Variants in NBAS observed in about 807,000 individuals in gnomAD.
NBAS encodes NBAS subunit of NRZ tethering complex, also known as NAG/BC035112 fusion.
NBAS carries 219 observed loss-of-function variants against 302.5 expected under a neutral mutation model. The ratio of observed to expected loss-of-function variants is 0.72; its 90% CI spans 0.65 to 0.81. NBAS has a LOEUF of 0.81. NBAS is among the 30% of genes least tolerant of loss of function. The pLI is 0.00. For missense variants in NBAS, 2,932 were observed against 2,841.6 expected, an observed-to-expected ratio of 1.03 and a Z score of -0.72; for synonymous variants, 1,118 against 1,021.6, an observed-to-expected ratio of 1.09 and a Z score of -1.80.
intron 6 of NBAS, among the ~76,000 whole-genome samples, chr2:15,546,836 A>G (rs1314678467): frequency 6.6e-6 from 1 of 152,226 alleles, no homozygotes; most frequent in Non-Finnish European, 1.5e-5. Context: ...TCTAACAGTA[A>G]ACTGATGAGG....
rs151221272 is a variant in NBAS at position 15,180,229 on chromosome 2, A to T, written c.6712-1113T>A. On this transcript the variant is annotated intron_variant, in intron 50 of 51. Coordinates refer to ENST00000281513, the MANE Select transcript of NBAS (RefSeq NM_015909.4). ...TAAAGTTCTCTTGGGAATTCTGCACATTATAGTTTTAGCTTTCACCCAGCA... is the reference window on the plus strand; with the variant it reads ...TAAAGTTCTCTTGGGAATTCTGCACTTTATAGTTTTAGCTTTCACCCAGCA... 3.1e-3 allele frequency: 478 copies of T among 152,354 alleles called. 1 individual carries two copies. The highest frequency in any genetic ancestry group is 0.01 in the African/African-American group (428 of 41,578). The allele number at this position is 152,354 out of a possible 1,614,324, so 9.4% of individuals were successfully genotyped here.
chr2:15,180,548 C>A (rs562168796), intron 50 of NBAS, among the ~76,000 whole-genome samples: 43 of 152,350 alleles, frequency 2.8e-4, no homozygotes, highest in African/African-American at 9.9e-4. Context: ...GGCACTCTGG[C>A]CTGGCTGGCC....
Position 15,327,753 on chromosome 2 carries a change from C to T in NBAS, c.4579G>A (p.Glu1527Lys). The T allele has an allele frequency of 6.2e-7, 1 of 1,613,620 alleles. No homozygotes were observed. Among genetic ancestry groups the T allele is most frequent in the Non-Finnish European group, 8.5e-7 (1 of 1,179,660 alleles). ...GGACTAGAACCTTCTCTCTTACCTT[C>T]AGTTGTTGGAAATACTTCTCCTTTA... ...KNKGEVFPTT[E>K]VLLQLASEAL... The change falls in exon 38 of 52, where the codon GAA (glutamate) becomes AAA (lysine). Residue 1527 changes from glutamate to lysine, a missense_variant. Physicochemically the swap from Glu to Lys is moderately conservative, Grantham distance 56. Coordinates refer to ENST00000281513, the MANE Select transcript of NBAS (RefSeq NM_015909.4).
chr2:15,436,821 G>A (rs1459998422), intron 21 of NBAS, among the ~76,000 whole-genome samples: 1 of 152,108 alleles, frequency 6.6e-6, no homozygotes, highest in Non-Finnish European at 1.5e-5. Flanking sequence ...TAGACTATGA[G>A]CTCCTTCAAA....
intron 48 of NBAS, among the ~76,000 whole-genome samples, chr2:15,192,029 C>T (rs1422148287): frequency 6.6e-6 from 1 of 152,210 alleles, no homozygotes; most frequent in Non-Finnish European, 1.5e-5. Flanking sequence ...TGTCACCTAT[C>T]AGTCAAGGCC....
At chr2:15,463,892 ATAGTT>A in intron 19 of NBAS, among the ~76,000 whole-genome samples, 1 of 151,516 alleles carries the variant, frequency 6.6e-6, no homozygotes, top group Non-Finnish European at 1.5e-5. Context: ...CATTGTGGTT[ATAGTT>A]TCTTAAGTCC....
intron 33 of NBAS, among the ~76,000 whole-genome samples, chr2:15,355,287 G>A (rs1180097151): frequency 6.6e-6 from 1 of 152,042 alleles, no homozygotes; most frequent in African/African-American, 2.4e-5. Flanking sequence ...GCCATGGAAA[G>A]CTGACAATTT....
chr2:15,461,399 T>C, intron 20 of NBAS, 62 bp from the exon 21 acceptor site: 3 of 1,563,670 alleles, frequency 1.9e-6, no homozygotes, highest in South Asian at 2.2e-5. Context: ...AGTGATTTTA[T>C]ATGACAACAT....
At chr2:15,363,256 A>T (rs1055596385) in intron 32 of NBAS, among the ~76,000 whole-genome samples, 4 of 152,194 alleles carry the variant, frequency 2.6e-5, no homozygotes, top group African/African-American at 9.6e-5. Context: ...ATTCCTGGTA[A>T]TGAAGTCTTT....
intron 48 of NBAS, among the ~76,000 whole-genome samples, chr2:15,218,063 G>C (rs907219235): frequency 7.2e-5 from 11 of 152,218 alleles, no homozygotes; most frequent in African/African-American, 2.6e-4. Flanking sequence ...TCTAAGTATA[G>C]GGAGAAGGGA....
the NBAS span, among the ~76,000 whole-genome samples, chr2:14,883,862 G>C: frequency 1.3e-5 from 2 of 152,048 alleles, no homozygotes; most frequent in South Asian, 4.1e-4. Context: ...TTGGGAGGCT[G>C]ATGTAGGAGG....
intron 32 of NBAS, 51 bp downstream of exon 32, chr2:15,366,529 C>G (rs747831193): frequency 6.6e-7 from 1 of 1,508,740 alleles, no homozygotes; most frequent in East Asian, 2.3e-5. Context: ...GCAATGATGT[C>G]AAGAATAACA....
chr2:14,919,031 A>G, the NBAS span, among the ~76,000 whole-genome samples: 20 of 152,086 alleles, frequency 1.3e-4, no homozygotes, highest in African/African-American at 4.3e-4. Context: ...GGCAGCACCA[A>G]TTTCCAGGAT....
intron 12 of NBAS, among the ~76,000 whole-genome samples, chr2:15,483,610 G>A (rs1463690971): frequency 6.6e-6 from 1 of 152,106 alleles, no homozygotes; most frequent in Non-Finnish European, 1.5e-5. Context: ...TAGCCAGATG[G>A]ATTTTCATAT....
At chr2:15,317,366 C>G (rs1671562490) in intron 38 of NBAS, among the ~76,000 whole-genome samples, 1 of 152,140 alleles carries the variant, frequency 6.6e-6, no homozygotes, top group Admixed American at 6.5e-5. Context: ...CAGCTCCTCA[C>G]CAGCAATGGA....
the NBAS span, among the ~76,000 whole-genome samples, chr2:14,795,183 GT>G: frequency 6.6e-6 from 1 of 152,098 alleles, no homozygotes; most frequent in Non-Finnish European, 1.5e-5. Flanking sequence ...TTTTCAAAGT[GT>G]TTTCCAAAGT....
the NBAS span, among the ~76,000 whole-genome samples, chr2:14,896,966 C>T: frequency 6.6e-6 from 1 of 151,998 alleles, no homozygotes; most frequent in Non-Finnish European, 1.5e-5. Context: ...AGTTGGAGGC[C>T]CCTACTAGAG....
At chr2:14,982,727 C>T in the NBAS span, among the ~76,000 whole-genome samples, 50 of 151,860 alleles carry the variant, frequency 3.3e-4, no homozygotes, top group African/African-American at 1.1e-3. Context: ...CAAGTATTTG[C>T]CCCAGGAAAA....
chr2:15,391,534 C>A (rs995922657), intron 28 of NBAS, among the ~76,000 whole-genome samples: 5 of 151,962 alleles, frequency 3.3e-5, no homozygotes, highest in African/African-American at 1.2e-4. Flanking sequence ...ACAAGTAACA[C>A]AGTATTGATG....
Sources: allele counts gnomAD v4.1 joint callset (sites outside exome capture counted in the v4.1 genomes callset), GRCh38; gene constraint gnomAD v4.1.1; transcripts MANE v1.5; gene names NCBI Gene and HGNC (gene_info 2026-07-23, HGNC 2026-07-21).